ATRN: variants seen among roughly 807,000 people sequenced by gnomAD.
ATRN encodes attractin-2.
A neutral mutation model predicts 178.7 loss-of-function variants in ATRN; 54 were observed. The ratio of observed to expected loss-of-function variants is 0.30; its 90% confidence interval spans 0.24 to 0.38. The LOEUF is 0.38. Ranked by LOEUF, ATRN falls within the 10% of genes least tolerant of loss-of-function variation. The probability of loss-of-function intolerance (pLI) is 1.00; values close to 1 mark genes in which losing one functional copy is unlikely to be tolerated. For synonymous variants in ATRN, 636 were observed against 663.0 expected, an observed-to-expected ratio of 0.96 and a Z score of 0.63; for missense variants, 1,443 against 1,815.1, an observed-to-expected ratio of 0.79 and a Z score of 3.73.
In ATRN at chr20:3,563,255, G is replaced by A. The variant is rs769401310; in HGVS notation, c.1678G>A (p.Val560Met). 9 of 1,614,110 alleles carry A rather than the reference G, an allele frequency of 5.6e-6. No individual in the cohort carries two copies. Among genetic ancestry groups the A allele is most frequent in the Non-Finnish European group, 7.6e-6 (9 of 1,179,976 alleles). ...ATTTTTCCGTTACTTGCACACAGCT[G>A]TGATAGTGAGTGGAACCATGCTGGT... ...SRFFRYLHTA[V>M]IVSGTMLVFG... is the part of the protein sequence containing the mutation. Residue 560 changes from valine to methionine, a missense_variant, in exon 10 of 29, where the codon GTG becomes ATG. Physicochemically the swap from Val to Met is conservative, Grantham distance 21. This residue lies in a region of ATRN where 862 missense variants were observed against 972.1 expected (regional missense o/e 0.89). Coordinates refer to ENST00000262919, the MANE Select transcript of ATRN (RefSeq NM_139321.3).
chr20:3,479,217 A>G (rs73087086), intron 1 of ATRN, among the ~76,000 whole-genome samples: 22,686 of 152,132 alleles, frequency 0.15, 2,142 homozygotes, highest in Non-Finnish European at 0.21. Flanking sequence ...GAAATGAGTC[A>G]TCTGCTAATT....
At chr20:3,528,290 C>T (rs543118206) in intron 1 of ATRN, among the ~76,000 whole-genome samples, 1 of 152,048 alleles carries the variant, frequency 6.6e-6, no homozygotes, top group Admixed American at 6.5e-5. Flanking sequence ...TTGCTGGAAC[C>T]CAGGAGGCGG....
intron 5 of ATRN, 55 bp from the exon 6 acceptor site, chr20:3,549,115 T>G: frequency 7.2e-7 from 1 of 1,388,744 alleles, no homozygotes; most frequent in Non-Finnish European, 9.8e-7. Flanking sequence ...AAACTTGAAA[T>G]GCAGTAAGCT....
intron 24 of ATRN, chr20:3,615,829 T>TTCTCA: frequency 2.2e-6 from 1 of 454,526 alleles, no homozygotes; most frequent in Non-Finnish European, 4.4e-6. Context: ...CATTCATAGG[T>TTCTCA]GCAAACTGAA....
intron 1 of ATRN, among the ~76,000 whole-genome samples, chr20:3,497,815 T>A (rs1279913466): frequency 6.6e-6 from 1 of 152,212 alleles, no homozygotes; most frequent in East Asian, 1.9e-4. Flanking sequence ...GACGTAGACT[T>A]GGTCTTTTCA....
chr20:3,584,413 T>TC (rs1375038125), intron 17 of ATRN, among the ~76,000 whole-genome samples: 1 of 152,194 alleles, frequency 6.6e-6, no homozygotes, highest in Non-Finnish European at 1.5e-5. Context: ...CAATAGATAA[T>TC]CTCTAAGGTC....
chr20:3,574,364 T>C (rs2086173948), intron 12 of ATRN, among the ~76,000 whole-genome samples: 1 of 152,084 alleles, frequency 6.6e-6, no homozygotes, highest in Non-Finnish European at 1.5e-5. Flanking sequence ...ACACAAAAAT[T>C]AGCCAGGCAT....
chr20:3,612,164 G>A (rs1469092158), intron 24 of ATRN, among the ~76,000 whole-genome samples: 1 of 152,042 alleles, frequency 6.6e-6, no homozygotes, highest in Non-Finnish European at 1.5e-5. Context: ...TACACACCAT[G>A]GCCTAATACC....
intron 25 of ATRN, among the ~76,000 whole-genome samples, chr20:3,633,312 G>C (rs1444046882): frequency 6.6e-6 from 1 of 152,334 alleles, no homozygotes; most frequent in South Asian, 2.1e-4. Flanking sequence ...CCCTTAGGGA[G>C]GAGGCAGTGA....
chr20:3,600,960 G>A lies in ATRN; in HGVS notation c.3579G>A (p.Leu1193=). The change falls in exon 23 of 29, where the codon TTG becomes TTA. Residue 1193 remains leucine (L), a synonymous_variant. Coordinates refer to ENST00000262919, the MANE Select transcript of ATRN (RefSeq NM_139321.3). ...CCGCTCATCAGCAAAACAGGGATTT[G>A]GACATGTTCATCAATGCCTCCAAGA... ...VATPDEQNRD[L]DMFINASKNF... 1 of 1,613,554 alleles carries A rather than the reference G, an allele frequency of 6.2e-7. No individual in the cohort carries two copies. The highest frequency in any genetic ancestry group is 1.7e-5 in the Admixed American group (1 of 59,994).
chr20:3,621,863 G>GAA (rs11087593), intron 24 of ATRN, among the ~76,000 whole-genome samples: 6 of 151,320 alleles, frequency 4.0e-5, no homozygotes, highest in East Asian at 1.9e-4. Flanking sequence ...GTTCATAAAA[G>GAA]AAAAAAAAAT....
At chr20:3,563,929 C>T (rs235574) in intron 10 of ATRN, among the ~76,000 whole-genome samples, 121,571 of 152,174 alleles carry the variant, frequency 0.8, 48,880 homozygotes, top group East Asian at 1. Flanking sequence ...TTTAGTGATA[C>T]TAAACACATT....
intron 1 of ATRN, chr20:3,490,245 C>G: frequency 6.7e-7 from 1 of 1,484,546 alleles, no homozygotes; most frequent in Non-Finnish European, 9.4e-7. Context: ...CTGTCCAAAC[C>G]CAGAGAGGCC....
intron 2 of ATRN, among the ~76,000 whole-genome samples, chr20:3,538,381 A>G (rs1049622996): frequency 6.6e-6 from 1 of 152,058 alleles, no homozygotes; most frequent in African/African-American, 2.4e-5. Context: ...CATGGTTATA[A>G]AATATATGCT....
At chr20:3,550,429 G>A (rs235595) in intron 6 of ATRN, among the ~76,000 whole-genome samples, 114,268 of 152,078 alleles carry the variant, frequency 0.75, 43,371 homozygotes, top group East Asian at 1. Context: ...CTCCAGCTTC[G>A]TTCTTTTTGT....
At chr20:3,477,779 G>A (rs2084549554) in intron 1 of ATRN, among the ~76,000 whole-genome samples, 1 of 152,212 alleles carries the variant, frequency 6.6e-6, no homozygotes, top group South Asian at 2.1e-4. Flanking sequence ...ATAAAATTCT[G>A]TAATTTACTT....
chr20:3,548,475 C>T (rs968374524), intron 5 of ATRN, among the ~76,000 whole-genome samples: 1 of 151,898 alleles, frequency 6.6e-6, no homozygotes, highest in African/African-American at 2.4e-5. Flanking sequence ...GTGGCAGGCA[C>T]CTGTAATCCC....
At chr20:3,484,703 A>G (rs1026253837) in intron 1 of ATRN, among the ~76,000 whole-genome samples, 1 of 152,090 alleles carries the variant, frequency 6.6e-6, no homozygotes, top group Admixed American at 6.6e-5. Context: ...GAAATCTGTC[A>G]TCTTTATTAT....
intron 24 of ATRN, among the ~76,000 whole-genome samples, chr20:3,611,098 T>C (rs1398385783): frequency 6.6e-6 from 1 of 152,046 alleles, no homozygotes; most frequent in Non-Finnish European, 1.5e-5. Context: ...GAAAAAAATA[T>C]AGGAGAAAAT....
Sources: allele counts gnomAD v4.1 joint callset (sites outside exome capture counted in the v4.1 genomes callset), GRCh38; gene constraint gnomAD v4.1.1; regional missense constraint gnomAD v4.1.1; transcripts MANE v1.5; gene names NCBI Gene and HGNC (gene_info 2026-07-23, HGNC 2026-07-21).